ZGPAT: variants seen among roughly 807,000 people sequenced by gnomAD.
The protein encoded by ZGPAT is zinc finger CCCH-type with G patch domain-containing protein.
ZGPAT carries 39 observed loss-of-function variants against 47.9 expected under a neutral mutation model. That is an observed-to-expected ratio of 0.81 (90% CI 0.63 to 1.06). The LOEUF (loss-of-function observed/expected upper bound fraction) is 1.06. Ranked by LOEUF, ZGPAT falls within the 50% of genes least tolerant of loss-of-function variation. The probability of loss-of-function intolerance (pLI) is 0.00; values close to 1 mark genes in which losing one functional copy is unlikely to be tolerated. For synonymous variants in ZGPAT, 348 were observed against 292.9 expected (o/e 1.19, Z -1.92); for missense variants, 717 against 681.4 (o/e 1.05, Z -0.58).
At chr20:63,710,408 T>A (rs1210237920) in intron 2 of ZGPAT, among the ~76,000 whole-genome samples, 1 of 152,100 alleles carries the variant, frequency 6.6e-6, no homozygotes, top group East Asian at 1.9e-4. Flanking sequence ...CACCTTGGCC[T>A]CCCAAAGTGC....
In ZGPAT at chr20:63,733,204, C is replaced by T. The variant is rs376258998; in HGVS notation, c.585-15C>T. Reference sequence around the variant, plus strand: ...GCCCATGTCTGAGCCCTGCCCCTTACGGCTCTGTCTGCAGGTTCTCCCATG... The same window carrying T: ...GCCCATGTCTGAGCCCTGCCCCTTATGGCTCTGTCTGCAGGTTCTCCCATG... On this transcript the variant is annotated splice_polypyrimidine_tract_variant and intron_variant, in intron 2 of 6. Coordinates refer to ENST00000355969, the MANE Select transcript of ZGPAT (RefSeq NM_181485.3). 119 of 1,611,356 alleles carry T rather than the reference C, an allele frequency of 7.4e-5. No individual in the cohort carries two copies. The highest frequency in any genetic ancestry group is 9.2e-5 in the Non-Finnish European group (108 of 1,178,276).
chr20:63,729,736 T>TC (rs2091878202), intron 2 of ZGPAT, among the ~76,000 whole-genome samples: 1 of 152,216 alleles, frequency 6.6e-6, no homozygotes, highest in Admixed American at 6.5e-5. Flanking sequence ...ATTTGGTTAA[T>TC]ATCTTTGTGG....
chr20:63,711,449 G>A (rs2872881), intron 2 of ZGPAT, among the ~76,000 whole-genome samples: 29,118 of 152,072 alleles, frequency 0.19, 3,769 homozygotes, highest in East Asian at 0.62. Flanking sequence ...AGAGGGCTCC[G>A]GTTGCCCCCA....
chr20:63,709,900 G>T (rs984928907), intron 2 of ZGPAT, among the ~76,000 whole-genome samples: 1 of 151,536 alleles, frequency 6.6e-6, no homozygotes, highest in Non-Finnish European at 1.5e-5. Context: ...TTGTTCTGTT[G>T]CCCAGGCTGG....
At chr20:63,714,636 T>A (rs1475549813) in intron 2 of ZGPAT, among the ~76,000 whole-genome samples, 1 of 151,898 alleles carries the variant, frequency 6.6e-6, no homozygotes, top group Non-Finnish European at 1.5e-5. Flanking sequence ...TTTTTTATCA[T>A]GAAAGGGTGT....
chr20:63,722,629 C>G (rs2091799865), intron 2 of ZGPAT, among the ~76,000 whole-genome samples: 1 of 151,980 alleles, frequency 6.6e-6, no homozygotes, highest in Non-Finnish European at 1.5e-5. Context: ...TAACTTAACA[C>G]TTAAAGTACA....
chr20:63,709,872 T>G (rs1395048065), intron 2 of ZGPAT, among the ~76,000 whole-genome samples: 2 of 151,928 alleles, frequency 1.3e-5, no homozygotes, highest in Non-Finnish European at 2.9e-5. Context: ...TTTTTTATCT[T>G]TTTTTTGAGA....
intron 2 of ZGPAT, among the ~76,000 whole-genome samples, chr20:63,732,950 ATGTG>A (rs923228168): frequency 2.0e-5 from 3 of 150,530 alleles, no homozygotes; most frequent in South Asian, 2.1e-4. Flanking sequence ...GTGTGTATAT[ATGTG>A]TATGTGTGAG....
intron 2 of ZGPAT, among the ~76,000 whole-genome samples, chr20:63,732,732 ATG>A (rs1310775005): frequency 5.4e-5 from 8 of 147,200 alleles, no homozygotes; most frequent in South Asian, 4.3e-4. Flanking sequence ...GTATATGTGT[ATG>A]TCTGTATATG....
intron 2 of ZGPAT, among the ~76,000 whole-genome samples, chr20:63,728,554 G>T (rs967074385): frequency 2.0e-5 from 3 of 152,206 alleles, no homozygotes; most frequent in African/African-American, 7.2e-5. Context: ...CCCAACACCT[G>T]CAGTGGTTTC....
chr20:63,709,280 G>A, intron 2 of ZGPAT, 116 bp downstream of exon 2: 1 of 1,139,830 alleles, frequency 8.8e-7, no homozygotes, highest in East Asian at 2.4e-5. Context: ...TCCTGGGGCA[G>A]GCGTGCTTTG....
intron 2 of ZGPAT, among the ~76,000 whole-genome samples, chr20:63,729,745 G>A (rs901152198): frequency 2.0e-5 from 3 of 152,070 alleles, no homozygotes; most frequent in Admixed American, 1.3e-4. Flanking sequence ...ATATCTTTGT[G>A]GCCAAATCTT....
At chr20:63,731,457 GGTGT>G (rs1407054900) in intron 2 of ZGPAT, among the ~76,000 whole-genome samples, 1 of 142,522 alleles carries the variant, frequency 7.0e-6, no homozygotes, top group Non-Finnish European at 1.5e-5. Context: ...GTTGGTCCTT[GGTGT>G]GTATGTGTGC....
rs2091898802 is a variant in ZGPAT at position 63,731,324 on chromosome 20, G to A, written c.585-1895G>A. Among the ~76,000 whole-genome samples, 3 of 75,884 alleles carry A rather than the reference G, an allele frequency of 4.0e-5. No homozygotes were observed. The South Asian group carries it at 2.0e-3, about 51-fold the overall frequency. 49.8% of individuals were successfully genotyped at this position (75,884 alleles called of 152,430 possible). A position where few individuals can be genotyped will look rare whatever the true frequency, so the allele number is the denominator to read the frequency against. On this transcript the variant is annotated intron_variant, in intron 2 of 6. Coordinates refer to ENST00000355969, the MANE Select transcript of ZGPAT (RefSeq NM_181485.3). ...TGTGTGTGTGTGCATGTGCATACAT[G>A]TGTAAAGTGTACAGTTGGCCCTTGT... is the stretch of plus-strand genomic sequence containing the variant.
In ZGPAT at chr20:63,709,003, C is replaced by T. The variant is rs756935986; in HGVS notation, c.423C>T (p.Ser141=). 6.2e-7 allele frequency: 1 copy of T among 1,613,660 alleles called. No individual in the cohort carries two copies. The highest frequency in any genetic ancestry group is 1.1e-5 in the South Asian group (1 of 91,084). The change falls in exon 2 of 7, where the codon TCC becomes TCT. Residue 141 remains serine, a synonymous_variant. Coordinates refer to ENST00000355969, the MANE Select transcript of ZGPAT (RefSeq NM_181485.3). ...GTKVSAPYYS[S]WGTLEYHNAM... Reference sequence around the variant, plus strand: ...AGGTGAGCGCGCCCTACTACAGCTCCTGGGGCACTCTGGAGTATCACAACG... The same window carrying T: ...AGGTGAGCGCGCCCTACTACAGCTCTTGGGGCACTCTGGAGTATCACAACG...
At chr20:63,719,977 G>A (rs1307993514) in intron 2 of ZGPAT, among the ~76,000 whole-genome samples, 1 of 151,798 alleles carries the variant, frequency 6.6e-6, no homozygotes, top group Non-Finnish European at 1.5e-5. Flanking sequence ...ACTAACCTCA[G>A]GTGATCTGTC....
intron 2 of ZGPAT, among the ~76,000 whole-genome samples, chr20:63,731,348 GT>G (rs751422895): frequency 0.011 from 854 of 77,110 alleles, 6 homozygotes; most frequent in Non-Finnish European, 0.019. Context: ...GTTGGCCCTT[GT>G]GTGTGTGAGA....
chr20:63,730,956 CTCTCTCTCTCTCTCTGTGTGTG>C (rs1217489694), intron 2 of ZGPAT, among the ~76,000 whole-genome samples: 8 of 126,812 alleles, frequency 6.3e-5, no homozygotes, highest in African/African-American at 2.6e-4. Flanking sequence ...CTCTCTCTCT[CTCTCTCTCTCTCTCTGTGTGTG>C]TGTGTGTGTG....
chr20:63,713,404 G>C (rs2091691248), intron 2 of ZGPAT, among the ~76,000 whole-genome samples: 1 of 151,700 alleles, frequency 6.6e-6, no homozygotes, highest in Non-Finnish European at 1.5e-5. Context: ...CTAATTTTTT[G>C]TATTTTTAGT....
Sources: gnomAD v4.1 joint callset for allele counts (sites outside exome capture counted in the v4.1 genomes callset) on GRCh38, gnomAD v4.1.1 for gene constraint, MANE v1.5 for transcripts, NCBI Gene and HGNC (gene_info 2026-07-23, HGNC 2026-07-21) for gene names.